TCOF1: variants seen among roughly 807,000 people sequenced by gnomAD.
TCOF1 encodes treacle protein.
TCOF1 carries 33 observed loss-of-function variants against 149.0 expected under a neutral mutation model. The observed-to-expected ratio is 0.22, with a 90% CI of 0.17 to 0.30. The LOEUF (loss-of-function observed/expected upper bound fraction) is 0.30, where lower values mean the gene tolerates loss of function less well. Among genes scored for constraint, TCOF1 ranks in the 10% least tolerant of loss-of-function variants. The pLI is 1.00. For missense variants in TCOF1, 1,728 were observed against 1,840.7 expected, an observed-to-expected ratio of 0.94 and a Z score of 1.12; for synonymous variants, 789 against 738.8, an observed-to-expected ratio of 1.07 and a Z score of -1.10.
chr5:150,375,337 A>G lies in TCOF1; in HGVS notation c.1489-2A>G. 6.2e-7 allele frequency: 1 copy of G among 1,610,958 alleles called. No individual in the cohort carries two copies. Among genetic ancestry groups the G allele is most frequent in the Non-Finnish European group, 8.5e-7 (1 of 1,178,966 alleles). On this transcript the variant is annotated splice_acceptor_variant, in intron 10 of 26. Coordinates refer to ENST00000643257, the MANE Select transcript of TCOF1 (RefSeq NM_001371623.1). LOFTEE classifies it high-confidence loss of function. ...CCTAATCTTGTCCTTTGTGTCTCCC[A>G]GGTGAAGCCCTTGGGGAAAAGCCCC... is the stretch of plus-strand genomic sequence containing the variant.
Position 150,374,763 on chromosome 5 carries a change from G to C in TCOF1, c.1230G>C (p.Ser410=). 6.2e-7 allele frequency: 1 copy of C among 1,604,780 alleles called. No individual in the cohort carries two copies. Among genetic ancestry groups the C allele is most frequent in the Non-Finnish European group, 8.5e-7 (1 of 1,176,858 alleles). ...KAQAGKREED[S]QSSSEESDSE... ...AGGCGGGGAAGCGGGAGGAGGACTC[G>C]CAGAGCAGCAGCGAGGAATCGGACA... The change falls in exon 9 of 27, where the codon TCG becomes TCC. Residue 410 remains serine, a synonymous_variant. Transcript: ENST00000643257.
At chr5:150,378,092 C>T (rs1764224561) in intron 14 of TCOF1, among the ~76,000 whole-genome samples, 1 of 152,204 alleles carries the variant, frequency 6.6e-6, no homozygotes, top group Admixed American at 6.5e-5. Flanking sequence ...ACTTGGTCCA[C>T]ACTGTAGGGA....
intron 2 of TCOF1, among the ~76,000 whole-genome samples, chr5:150,361,715 C>G (rs887297655): frequency 2.6e-5 from 4 of 152,222 alleles, no homozygotes; most frequent in Non-Finnish European, 5.9e-5. Context: ...CCAGGGGAAG[C>G]TTCCCTGAGG....
At chr5:150,381,541 C>T (rs895608601) in intron 17 of TCOF1, among the ~76,000 whole-genome samples, 3 of 152,228 alleles carry the variant, frequency 2.0e-5, no homozygotes, top group African/African-American at 7.2e-5. Context: ...CATGAAGGCA[C>T]ATGGTCACTG....
Position 150,399,800 on chromosome 5 carries a change from C to T in TCOF1, c.*23-10C>T, listed in dbSNP as rs55984000. 0.032 allele frequency: 4,842 copies of T among 153,560 alleles called. 111 individuals are homozygous for T. Among genetic ancestry groups the T allele is most frequent in the Non-Finnish European group, 0.046 (3,190 of 68,908 alleles). 9.5% of individuals were successfully genotyped at this position (153,560 alleles called of 1,614,324 possible). A position where few individuals can be genotyped will look rare whatever the true frequency, so the allele number is the denominator to read the frequency against. On this transcript the variant is annotated splice_polypyrimidine_tract_variant and intron_variant, in intron 26 of 26. Coordinates refer to ENST00000643257, the MANE Select transcript of TCOF1 (RefSeq NM_001371623.1). ...GAAATTTGACATCTGCATGTGTTTC[C>T]TTCCCCTAGGGATTTCCTAGCCGAG...
intron 3 of TCOF1, among the ~76,000 whole-genome samples, chr5:150,365,253 C>CTTTTT (rs991524826): frequency 3.4e-5 from 4 of 116,490 alleles, no homozygotes; most frequent in Non-Finnish European, 7.4e-5. Flanking sequence ...CTTTTTCTTT[C>CTTTTT]TTTTTTTTTT....
chr5:150,379,398 C>G lies in TCOF1; in HGVS notation c.2648C>G (p.Thr883Arg). The G allele has an allele frequency of 6.2e-7, 1 of 1,614,074 alleles. No homozygotes were observed. Among genetic ancestry groups the G allele is most frequent in the Non-Finnish European group, 8.5e-7 (1 of 1,179,986 alleles). Residue 883 changes from threonine to arginine, a missense_variant, in exon 16 of 27, where the codon ACG becomes AGG. Transcript: ENST00000643257. ...EESDSEEEAE[T>R]LAQVKPSGKT... ...TCAGACAGTGAGGAGGAGGCGGAGA[C>G]GCTGGCTCAGGTGAGGGGGAGGGAA...
chr5:150,394,775 A>G, intron 23 of TCOF1: 1 of 152,368 alleles, frequency 6.6e-6, no homozygotes, highest in Non-Finnish European at 1.5e-5. Context: ...AAAACTAGCC[A>G]GCATGATGGC....
chr5:150,389,674 G>A (rs1767015254), intron 18 of TCOF1, among the ~76,000 whole-genome samples: 1 of 152,256 alleles, frequency 6.6e-6, no homozygotes, highest in Non-Finnish European at 1.5e-5. Context: ...CACCCCCAGA[G>A]CAGCCATTTG....
At chr5:150,399,584 G>A (rs762314485) in intron 26 of TCOF1, among the ~76,000 whole-genome samples, 4 of 152,168 alleles carry the variant, frequency 2.6e-5, no homozygotes, top group Non-Finnish European at 4.4e-5. Context: ...CCAGCCTCCT[G>A]TAAATGGGGG....
At chr5:150,358,033 A>T (rs1321423935) in intron 1 of TCOF1, among the ~76,000 whole-genome samples, 179 bp downstream of exon 1, 1 of 152,184 alleles carries the variant, frequency 6.6e-6, no homozygotes, top group African/African-American at 2.4e-5. Context: ...CTGCGACTTC[A>T]GTTCCCCTGG....
At chr5:150,366,103 G>A (rs1253494265) in intron 3 of TCOF1, among the ~76,000 whole-genome samples, 8 of 146,930 alleles carry the variant, frequency 5.4e-5, no homozygotes, top group Non-Finnish European at 3.0e-5. Flanking sequence ...CTGGGCAACA[G>A]AGCAAGACTG....
rs972760502 is a variant in TCOF1, at chr5:150,357,703, T to G, written c.-44T>G. 7.2e-6 allele frequency: 11 copies of G among 1,518,850 alleles called. No individual in the cohort carries two copies. The highest frequency in any genetic ancestry group is 9.8e-6 in the Non-Finnish European group (11 of 1,124,880). 94.1% of individuals were successfully genotyped at this position (1,518,850 alleles called of 1,614,324 possible). A position where few individuals can be genotyped will look rare whatever the true frequency, so the allele number is the denominator to read the frequency against. The stretch of plus-strand genomic sequence containing the variant: ...CGCGAGGGAAGTGGCGGGCGGGGAC[T>G]AAGGCGGGGCGTGCAGGTAGCCGGC... On this transcript the variant is annotated 5_prime_UTR_variant, in exon 1 of 27. Transcript: ENST00000643257.
At chr5:150,373,626 G>C (rs1439917430) in intron 7 of TCOF1, among the ~76,000 whole-genome samples, 2 of 152,302 alleles carry the variant, frequency 1.3e-5, no homozygotes. Flanking sequence ...CTTGCCCCAT[G>C]AGGCTGAGGG....
chr5:150,361,869 G>A (rs1315141184), intron 2 of TCOF1, among the ~76,000 whole-genome samples: 2 of 152,166 alleles, frequency 1.3e-5, no homozygotes, highest in African/African-American at 2.4e-5. Flanking sequence ...CTAGGTCATC[G>A]CATGGATAGC....
At chr5:150,387,873 G>C in intron 17 of TCOF1, 29 bp from the exon 18 acceptor site, 2 of 1,612,234 alleles carry the variant, frequency 1.2e-6, no homozygotes, top group Non-Finnish European at 1.7e-6. Context: ...TTTAATCACT[G>C]GGGGGGTGTT....
intron 17 of TCOF1, chr5:150,383,254 A>G (rs771032282): frequency 7.2e-5 from 87 of 1,211,354 alleles, no homozygotes; most frequent in Non-Finnish European, 9.5e-5. Flanking sequence ...GATCTTGCCC[A>G]TAGGGAAAAT....
intron 3 of TCOF1, among the ~76,000 whole-genome samples, chr5:150,367,254 G>A (rs1378131740): frequency 6.6e-6 from 1 of 151,998 alleles, no homozygotes; most frequent in South Asian, 2.1e-4. Flanking sequence ...GCAGTGAGCC[G>A]AGATTGTGCC....
chr5:150,396,746 G>A lies in TCOF1; in HGVS notation c.4249G>A (p.Glu1417Lys), dbSNP rs750282344. 26 of 1,612,204 alleles carry A rather than the reference G, an allele frequency of 1.6e-5. No homozygotes were observed. The highest frequency in any genetic ancestry group is 1.3e-4 in the South Asian group (12 of 90,872). ...TCTTGGCTCCCAAGGGGCCAAGGAC[G>A]AGCCAGAAGAGGAGCTTCAGAAGGG... is the stretch of plus-strand genomic sequence containing the variant. The part of the protein sequence containing the change: ...GSLGSQGAKD[E>K]PEEELQKGMG... Residue 1417 changes from glutamate (E) to lysine (K), a missense_variant, in exon 24 of 27, where the codon GAG becomes AAG. Physicochemically the swap from Glu to Lys is moderately conservative, Grantham distance 56. Around this residue, in one of 2 missense-constraint regions of TCOF1, gnomAD observed 1,696 missense variants for 1,765.4 expected, o/e 0.96. Coordinates refer to ENST00000643257, the MANE Select transcript of TCOF1 (RefSeq NM_001371623.1).
Sources: allele counts gnomAD v4.1 joint callset (sites outside exome capture counted in the v4.1 genomes callset), GRCh38; gene constraint gnomAD v4.1.1; regional missense constraint gnomAD v4.1.1; transcripts MANE v1.5; gene names NCBI Gene and HGNC (gene_info 2026-07-23, HGNC 2026-07-21).